The following CYTH1 variants were observed in gnomAD, a reference collection of about 807,000 sequenced individuals.
The protein encoded by CYTH1 is cytohesin-1.
A neutral mutation model predicts 61.8 loss-of-function variants in CYTH1; 18 were observed. That is an observed-to-expected ratio of 0.29 (90% CI 0.20 to 0.43). CYTH1 has a LOEUF of 0.43. CYTH1 is among the 20% of genes least tolerant of loss of function. The pLI, the probability that CYTH1 is intolerant of heterozygous loss-of-function variation, is 1.00. For missense variants in CYTH1, 336 were observed against 510.5 expected (o/e 0.66, Z 3.29); for synonymous variants, 174 against 184.3 (o/e 0.94, Z 0.45).
chr17:78,696,269 T>C (rs1182518050), intron 9 of CYTH1, among the ~76,000 whole-genome samples: 1 of 152,252 alleles, frequency 6.6e-6, no homozygotes. Context: ...GAGGCACTAC[T>C]GGAAACCTGG....
chr17:78,676,004 T>G lies in CYTH1; in HGVS notation c.*87A>C. 6.4e-7 allele frequency: 1 copy of G among 1,552,380 alleles called. No individual in the cohort carries two copies. The highest frequency in any genetic ancestry group is 1.2e-5 in the South Asian group (1 of 83,966). On this transcript the variant is annotated 3_prime_UTR_variant, in exon 14 of 14. Transcript: ENST00000446868. ...CAGGGCGGGGCCTGGCAGAGGACGC[T>G]CTGCTCGGCAGCAGTGCATCCATGG...
At chr17:78,715,200 C>T (rs2093170417) in intron 1 of CYTH1, among the ~76,000 whole-genome samples, 1 of 152,118 alleles carries the variant, frequency 6.6e-6, no homozygotes, top group South Asian at 2.1e-4. Context: ...AATCAGACCA[C>T]CCACGAGGGA....
chr17:78,741,919 CT>C (rs1386517056), intron 1 of CYTH1, among the ~76,000 whole-genome samples: 1 of 152,208 alleles, frequency 6.6e-6, no homozygotes, highest in East Asian at 1.9e-4. Flanking sequence ...AGGTTTCCCA[CT>C]GTCAGGAAAA....
chr17:78,697,325 CAAAAAA>C (rs5822262), intron 9 of CYTH1, among the ~76,000 whole-genome samples: 18 of 95,310 alleles, frequency 1.9e-4, no homozygotes, highest in African/African-American at 6.9e-4. Context: ...TGCTAGTGTC[CAAAAAA>C]AAAAAAAAAA....
At chr17:78,689,447 A>C (rs576003640) in intron 11 of CYTH1, among the ~76,000 whole-genome samples, 1 of 152,300 alleles carries the variant, frequency 6.6e-6, no homozygotes, top group East Asian at 1.9e-4. Flanking sequence ...TACAATTTAC[A>C]ATAGGGTTCG....
At chr17:78,727,578 G>T in intron 1 of CYTH1, 1 of 433,252 alleles carries the variant, frequency 2.3e-6, no homozygotes, top group Non-Finnish European at 4.9e-6. Flanking sequence ...TTTGGGAGAG[G>T]TGTAAGAAGG....
At chr17:78,726,490 T>C (rs1292630025) in intron 1 of CYTH1, among the ~76,000 whole-genome samples, 2 of 151,890 alleles carry the variant, frequency 1.3e-5, no homozygotes, top group Non-Finnish European at 2.9e-5. Context: ...CTATTCCTTT[T>C]AAAGAAAAAA....
At chr17:78,696,718 T>G (rs773601317) in intron 9 of CYTH1, 1 of 152,276 alleles carries the variant, frequency 6.6e-6, no homozygotes, top group Non-Finnish European at 1.5e-5. Flanking sequence ...CCTCATGAAT[T>G]TGCATGTCAT....
chr17:78,764,282 C>T (rs991269902), intron 1 of CYTH1, among the ~76,000 whole-genome samples: 3 of 149,880 alleles, frequency 2.0e-5, no homozygotes, highest in South Asian at 2.1e-4. Flanking sequence ...ATGAAACCTC[C>T]GCCTCCTGGG....
intron 1 of CYTH1, chr17:78,727,728 T>G (rs988834226): frequency 6.4e-6 from 3 of 471,086 alleles, no homozygotes; most frequent in African/African-American, 6.0e-5. Context: ...TGGTGCCAAC[T>G]CAGTGTGTTA....
At chr17:78,743,719 CA>C (rs1164082224) in intron 1 of CYTH1, among the ~76,000 whole-genome samples, 4 of 152,232 alleles carry the variant, frequency 2.6e-5, no homozygotes, top group African/African-American at 9.6e-5. Context: ...CTTTCTTCTA[CA>C]TGTCCCATGA....
intron 9 of CYTH1, among the ~76,000 whole-genome samples, chr17:78,697,351 CATT>C (rs2092950663): frequency 6.9e-6 from 1 of 145,434 alleles, no homozygotes; most frequent in African/African-American, 2.5e-5. Flanking sequence ...AAAAGGACAT[CATT>C]ATGTCCAGAG....
intron 11 of CYTH1, among the ~76,000 whole-genome samples, chr17:78,684,633 A>G (rs566038477): frequency 2.6e-4 from 40 of 152,234 alleles, no homozygotes; most frequent in Non-Finnish European, 1.0e-4. Flanking sequence ...AAATACTCCA[A>G]ATCCAATCAC....
chr17:78,776,650 C>A (rs2093492383), intron 1 of CYTH1, among the ~76,000 whole-genome samples: 1 of 125,014 alleles, frequency 8.0e-6, no homozygotes. Flanking sequence ...CAGAGCGAGA[C>A]TCTGTCTCAA....
intron 1 of CYTH1, among the ~76,000 whole-genome samples, chr17:78,733,040 T>G (rs922208651): frequency 1.8e-5 from 2 of 112,574 alleles, no homozygotes; most frequent in African/African-American, 7.0e-5. Context: ...TGAGCCAAGA[T>G]CACGCCCAGC....
chr17:78,759,176 T>C (rs975102709), intron 1 of CYTH1, among the ~76,000 whole-genome samples: 7 of 152,334 alleles, frequency 4.6e-5, no homozygotes, highest in Middle Eastern at 3.4e-3. Context: ...AAGGGCACAA[T>C]TGTAGCCAAT....
Position 78,720,811 on chromosome 17 carries a change from G to A in CYTH1, c.23-11079C>T, listed in dbSNP as rs972395045. 1.2e-4 allele frequency among the ~76,000 whole-genome samples: 19 copies of A among 152,200 alleles called. 1 individual carries two copies. The highest frequency in any genetic ancestry group is 4.1e-4 in the African/African-American group (17 of 41,462). On this transcript the variant is annotated intron_variant, in intron 1 of 13. Transcript: ENST00000446868. ...GACCGCGTAAGCCCTGGAATGTGGA[G>A]GTTGCAGTGAGCCCAGGTTGCACCA...
chr17:78,755,402 G>C (rs1048178108), intron 1 of CYTH1, among the ~76,000 whole-genome samples: 2 of 150,404 alleles, frequency 1.3e-5, no homozygotes, highest in South Asian at 4.2e-4. Context: ...CCAAGTGCTG[G>C]GATTACAGGC....
Position 78,675,916 on chromosome 17 carries a change from T to A in CYTH1, c.*175A>T. The A allele has an allele frequency of 6.5e-7, 1 of 1,536,264 alleles. No homozygotes were observed. On this transcript the variant is annotated 3_prime_UTR_variant, in exon 14 of 14. Coordinates refer to ENST00000446868, the MANE Select transcript of CYTH1 (RefSeq NM_004762.6). ...TGGCCGGTCCTCTCTTCCCCAGTGA[T>A]AACTGCCCACCCTTCTCCCACTTAA...
Sources: allele counts gnomAD v4.1 joint callset (sites outside exome capture counted in the v4.1 genomes callset), GRCh38; gene constraint gnomAD v4.1.1; transcripts MANE v1.5; gene names NCBI Gene and HGNC (gene_info 2026-07-23, HGNC 2026-07-21).